PCDH15: variants seen among roughly 807,000 people sequenced by gnomAD.
PCDH15 encodes protocadherin related 15.
Under a neutral mutation model 178.5 loss-of-function variants are expected in PCDH15, and 129 were observed. That is an observed-to-expected ratio of 0.72 (90% confidence interval 0.63 to 0.84). The LOEUF is 0.84. Among genes scored for constraint, PCDH15 ranks in the 40% least tolerant of loss-of-function variants. The pLI is 0.00. For missense variants in PCDH15, 2,230 were observed against 2,099.9 expected (o/e 1.06, Z -1.21); for synonymous variants, 800 against 732.0 (o/e 1.09, Z -1.50).
At chr10:55,227,688 G>A (rs1372214542) in intron 1 of PCDH15, among the ~76,000 whole-genome samples, 1 of 152,006 alleles carries the variant, frequency 6.6e-6, no homozygotes, top group Non-Finnish European at 1.5e-5. Context: ...CAGGATAAAA[G>A]GAACTGGAGA....
chr10:54,739,056 T>C (rs1459176074), intron 1 of PCDH15, among the ~76,000 whole-genome samples: 1 of 152,010 alleles, frequency 6.6e-6, no homozygotes, highest in Non-Finnish European at 1.5e-5. Flanking sequence ...TTGGAAGTTC[T>C]AGACAGAGGA....
chr10:54,499,799 C>A (rs904244280), intron 3 of PCDH15, among the ~76,000 whole-genome samples: 1 of 151,966 alleles, frequency 6.6e-6, no homozygotes, highest in Non-Finnish European at 1.5e-5. Flanking sequence ...TGAAAGCTAG[C>A]AGAAGTAAAG....
At chr10:55,531,290 A>T (rs115871461) in intron 2 of PCDH15, among the ~76,000 whole-genome samples, 2,012 of 152,094 alleles carry the variant, frequency 0.013, 44 homozygotes, top group African/African-American at 0.046. Flanking sequence ...CTGAGGACAC[A>T]TTATGATCAA....
intron 14 of PCDH15, among the ~76,000 whole-genome samples, chr10:54,140,788 T>G (rs1337728026): frequency 6.6e-6 from 1 of 152,016 alleles, no homozygotes; most frequent in Non-Finnish European, 1.5e-5. Context: ...GTTCAAGCAA[T>G]TCCCCTGCCT....
At chr10:54,798,617 C>T (rs1038974262) in intron 1 of PCDH15, among the ~76,000 whole-genome samples, 3 of 152,004 alleles carry the variant, frequency 2.0e-5, no homozygotes, top group Admixed American at 6.6e-5. Flanking sequence ...GACCAAAACC[C>T]ACTCTTAAAA....
intron 2 of PCDH15, among the ~76,000 whole-genome samples, chr10:55,044,206 G>A (rs948099589): frequency 2.6e-5 from 4 of 152,182 alleles, no homozygotes; most frequent in African/African-American, 4.8e-5. Context: ...TACTACCACC[G>A]TTGCAGAGTT....
intron 13 of PCDH15, among the ~76,000 whole-genome samples, chr10:54,181,822 T>G (rs1216426577): frequency 2.6e-5 from 4 of 152,214 alleles, no homozygotes; most frequent in African/African-American, 9.7e-5. Flanking sequence ...GAATAAACAT[T>G]CCGGTGAATT....
chr10:54,715,567 C>CGTT (rs1489422598), intron 1 of PCDH15, among the ~76,000 whole-genome samples: 2 of 152,122 alleles, frequency 1.3e-5, no homozygotes, highest in East Asian at 3.9e-4. Flanking sequence ...TGGCGTTTGG[C>CGTT]TGGTAAAACG....
intron 2 of PCDH15, among the ~76,000 whole-genome samples, chr10:54,564,946 A>C (rs958014034): frequency 1.3e-5 from 2 of 152,200 alleles, no homozygotes; most frequent in African/African-American, 4.8e-5. Context: ...ATGAACATTT[A>C]AGAGAGACAA....
chr10:55,049,509 A>G (rs573860614), intron 2 of PCDH15, among the ~76,000 whole-genome samples: 14 of 152,088 alleles, frequency 9.2e-5, no homozygotes, highest in African/African-American at 2.9e-4. Flanking sequence ...AACTCCTCTT[A>G]TAATTTAATA....
At chr10:54,147,069 A>T (rs1242134099) in intron 14 of PCDH15, among the ~76,000 whole-genome samples, 2 of 148,980 alleles carry the variant, frequency 1.3e-5, no homozygotes, top group Non-Finnish European at 3.0e-5. Flanking sequence ...CTTTAAATAT[A>T]ATCTTCCTTA....
intron 15 of PCDH15, among the ~76,000 whole-genome samples, chr10:54,116,785 T>C (rs1457820906): frequency 1.3e-5 from 2 of 152,230 alleles, no homozygotes; most frequent in African/African-American, 4.8e-5. Flanking sequence ...TAGAAAATTT[T>C]AAAGTGATTT....
chr10:54,364,509 C>A (rs1191980023), intron 5 of PCDH15, among the ~76,000 whole-genome samples: 1 of 152,074 alleles, frequency 6.6e-6, no homozygotes, highest in South Asian at 2.1e-4. Context: ...ATGTTCCATC[C>A]ATGTGCCTGA....
chr10:55,579,437 C>G (rs1842562588), intron 2 of PCDH15, among the ~76,000 whole-genome samples: 1 of 152,150 alleles, frequency 6.6e-6, no homozygotes, highest in African/African-American at 2.4e-5. Context: ...ACTTGTACAA[C>G]TCATCTCTGT....
intron 2 of PCDH15, among the ~76,000 whole-genome samples, chr10:55,339,760 C>G (rs921511596): frequency 2.0e-5 from 3 of 151,984 alleles, no homozygotes; most frequent in African/African-American, 2.4e-5. Context: ...ATTGGCCACT[C>G]GAGTCTAATT....
intron 28 of PCDH15, among the ~76,000 whole-genome samples, chr10:53,845,825 G>C (rs913303694): frequency 6.6e-6 from 1 of 151,682 alleles, no homozygotes; most frequent in South Asian, 2.1e-4. Flanking sequence ...GGAATTTATA[G>C]TTAAAAATAA....
chr10:55,323,602 G>C (rs888811360), upstream of PCDH15, among the ~76,000 whole-genome samples: 2 of 152,196 alleles, frequency 1.3e-5, no homozygotes, highest in African/African-American at 4.8e-5. Context: ...GGATTATGGA[G>C]TTGTATGGGC....
At chr10:55,340,594 C>A (rs191474552) in intron 2 of PCDH15, among the ~76,000 whole-genome samples, 1 of 151,834 alleles carries the variant, frequency 6.6e-6, no homozygotes, top group Admixed American at 6.6e-5. Context: ...TCGTGTACAA[C>A]AAATATCTTA....
rs542031957 is a variant in PCDH15, at chr10:54,662,197, C to T, written c.91+1975G>A. 8.0e-4 allele frequency among the ~76,000 whole-genome samples: 122 copies of T among 151,656 alleles called. No homozygotes were observed. In the Middle Eastern group the frequency reaches 0.01, roughly 13 times the overall value. On this transcript the variant is annotated intron_variant, in intron 2 of 37. Coordinates refer to ENST00000644397, the MANE Select transcript of PCDH15 (RefSeq NM_001384140.1). ...TCCGAAATCTATAAGAAAAACAAAT[C>T]AACAAGAACAAAACATATAACTCCA...
Sources: allele counts gnomAD v4.1 joint callset (sites outside exome capture counted in the v4.1 genomes callset), GRCh38; gene constraint gnomAD v4.1.1; transcripts MANE v1.5; gene names NCBI Gene and HGNC (gene_info 2026-07-23, HGNC 2026-07-21).